COL5A2: variants seen among roughly 807,000 people sequenced by gnomAD.
The protein encoded by COL5A2 is collagen type V alpha 2 chain, also known as collagen alpha-2(V) chain.
Under a neutral mutation model 208.2 loss-of-function variants are expected in COL5A2, and 23 were observed. That is an observed-to-expected ratio of 0.11 (90% CI 0.08 to 0.16). COL5A2 has a LOEUF of 0.16. Ranked by LOEUF, COL5A2 falls within the 10% of genes least tolerant of loss-of-function variation. COL5A2 has a pLI of 1.00. For synonymous variants in COL5A2, 625 were observed against 628.5 expected (o/e 0.99, Z 0.08); for missense variants, 1,590 against 1,956.4 (o/e 0.81, Z 3.53).
chr2:189,435,170 T>G, the COL5A2 span, among the ~76,000 whole-genome samples: 1 of 152,138 alleles, frequency 6.6e-6, no homozygotes, highest in East Asian at 1.9e-4. Flanking sequence ...TATACAAAAA[T>G]TCATTCAAGA....
At chr2:189,212,093 G>A (rs1043102346) in intron 1 of COL5A2, among the ~76,000 whole-genome samples, 15 of 152,088 alleles carry the variant, frequency 9.9e-5, no homozygotes, top group Admixed American at 5.9e-4. Context: ...TATCACTTAC[G>A]TTGTTTAGAA....
the COL5A2 span, among the ~76,000 whole-genome samples, chr2:189,241,500 T>A: frequency 6.6e-6 from 1 of 152,190 alleles, no homozygotes; most frequent in African/African-American, 2.4e-5. Context: ...CAATTATGCC[T>A]GGGCAACGTA....
intron 2 of COL5A2, among the ~76,000 whole-genome samples, chr2:189,109,179 C>A (rs148697081): frequency 6.6e-6 from 1 of 151,892 alleles, no homozygotes; most frequent in Non-Finnish European, 1.5e-5. Context: ...ATATTTGCCA[C>A]CATTGTTCCC....
At chr2:189,251,596 G>T in the COL5A2 span, among the ~76,000 whole-genome samples, 19 of 151,354 alleles carry the variant, frequency 1.3e-4, no homozygotes, top group East Asian at 3.7e-3. Context: ...ATTTTCTCGA[G>T]CTCAAAACAT....
the COL5A2 span, among the ~76,000 whole-genome samples, chr2:189,278,450 T>C: frequency 6.6e-6 from 1 of 152,092 alleles, no homozygotes; most frequent in East Asian, 1.9e-4. Flanking sequence ...ATATCAGCAA[T>C]CTGCAAAGCA....
At chr2:189,190,711 C>T (rs1688912047) in intron 1 of COL5A2, among the ~76,000 whole-genome samples, 1 of 152,176 alleles carries the variant, frequency 6.6e-6, no homozygotes, top group Non-Finnish European at 1.5e-5. Context: ...TACTGTGCTC[C>T]TAATGCATGA....
intron 1 of COL5A2, among the ~76,000 whole-genome samples, chr2:189,207,269 T>C (rs755844348): frequency 1.3e-5 from 2 of 152,188 alleles, no homozygotes; most frequent in African/African-American, 2.4e-5. Context: ...CATTTTCTCA[T>C]TGACTCCTCT....
chr2:189,178,207 T>C (rs1320793001), intron 1 of COL5A2, among the ~76,000 whole-genome samples: 2 of 152,162 alleles, frequency 1.3e-5, no homozygotes, highest in Non-Finnish European at 2.9e-5. Context: ...CTCCAAGTCT[T>C]AGAAAGTGCC....
the COL5A2 span, among the ~76,000 whole-genome samples, chr2:189,359,953 T>G: frequency 6.6e-5 from 10 of 152,166 alleles, no homozygotes; most frequent in Non-Finnish European, 1.5e-4. Flanking sequence ...GTCTTCTCTC[T>G]TTTTGCTTAG....
chr2:189,170,757 A>ACACAGAAGTAAG (rs1287758358), intron 1 of COL5A2, among the ~76,000 whole-genome samples: 8 of 152,232 alleles, frequency 5.3e-5, no homozygotes, highest in Middle Eastern at 3.4e-3. Context: ...TAAAAAAAAA[A>ACACAGAAGTAAG]GTCACACAGA....
chr2:189,347,021 G>C, the COL5A2 span, among the ~76,000 whole-genome samples: 114 of 152,254 alleles, frequency 7.5e-4, no homozygotes, highest in African/African-American at 2.6e-3. Context: ...AGGAAGTCTT[G>C]TCTCCTCTTC....
At position 189,148,501 on chromosome 2, in the gene COL5A2, G is replaced by A. The variant is rs187835373; in HGVS notation, c.97+31007C>T. ...CCAAGAAAGAGTGCGATAGGCCAGG[G>A]AAGTCTACTAAACTGTGAAGGGTGT... On this transcript the variant is annotated intron_variant, in intron 1 of 53. Transcript: ENST00000374866. 2.4e-3 allele frequency among the ~76,000 whole-genome samples: 370 copies of A among 152,136 alleles called. 3 individuals are homozygous for A. The highest frequency in any genetic ancestry group is 4.4e-3 in the Non-Finnish European group (296 of 67,996).
chr2:189,414,157 T>G, the COL5A2 span, among the ~76,000 whole-genome samples: 2 of 152,150 alleles, frequency 1.3e-5, no homozygotes, highest in Non-Finnish European at 2.9e-5. Context: ...CAGAGCACCA[T>G]GAGGAATAAG....
chr2:189,077,963 T>A (rs1388356819), intron 16 of COL5A2, among the ~76,000 whole-genome samples: 2 of 152,172 alleles, frequency 1.3e-5, no homozygotes, highest in African/African-American at 4.8e-5. Context: ...AAAGAATAAT[T>A]AGAATATGCC....
the COL5A2 span, among the ~76,000 whole-genome samples, chr2:189,290,717 T>TACACACACACACACACACACAC: frequency 2.2e-5 from 3 of 136,530 alleles, no homozygotes; most frequent in African/African-American, 8.3e-5. Flanking sequence ...TTTTTGTTAA[T>TACACACACACACACACACACAC]ACACACACAC....
chr2:189,176,397 T>G (rs1688679023), intron 1 of COL5A2, among the ~76,000 whole-genome samples: 1 of 152,180 alleles, frequency 6.6e-6, no homozygotes, highest in Admixed American at 6.5e-5. Flanking sequence ...CTGGCTTGCT[T>G]CACTTGTTTA....
intron 10 of COL5A2, 73 bp from the exon 11 acceptor site, chr2:189,085,286 T>G: frequency 8.5e-7 from 1 of 1,171,028 alleles, no homozygotes; most frequent in East Asian, 2.5e-5. Context: ...TTCAAAACAT[T>G]ATTGAGACAA....
chr2:189,382,373 A>T, the COL5A2 span, among the ~76,000 whole-genome samples: 1 of 152,120 alleles, frequency 6.6e-6, no homozygotes, highest in Non-Finnish European at 1.5e-5. Context: ...ATAAAATAAA[A>T]TAAAAATTAA....
At chr2:189,284,370 T>A in the COL5A2 span, among the ~76,000 whole-genome samples, 1 of 152,132 alleles carries the variant, frequency 6.6e-6, no homozygotes, top group Non-Finnish European at 1.5e-5. Flanking sequence ...TGATTCACAG[T>A]TCCTCAGGCT....
Sources: gnomAD v4.1 joint callset for allele counts (sites outside exome capture counted in the v4.1 genomes callset) on GRCh38, gnomAD v4.1.1 for gene constraint, MANE v1.5 for transcripts, NCBI Gene and HGNC (gene_info 2026-07-23, HGNC 2026-07-21) for gene names.